The following GNG7 variants were observed in gnomAD, a reference collection of about 807,000 sequenced individuals.
The protein encoded by GNG7 is G protein subunit gamma 7, also known as guanine nucleotide-binding protein G(I)/G(S)/G(O) subunit gamma-7.
GNG7 carries 1 observed loss-of-function variant against 4.0 expected under a neutral mutation model. The ratio of observed to expected loss-of-function variants is 0.25; its 90% CI spans 0.09 to 1.18. The LOEUF is 1.18. GNG7 is among the 50% of genes most tolerant of loss of function. The pLI, the probability that GNG7 is intolerant of heterozygous loss-of-function variation, is 0.50. For synonymous variants in GNG7, 34 were observed against 36.9 expected, an observed-to-expected ratio of 0.92 and a Z score of 0.29; for missense variants, 86 against 91.9, an observed-to-expected ratio of 0.94 and a Z score of 0.26.
intron 2 of GNG7, among the ~76,000 whole-genome samples, chr19:2,587,589 G>A (rs1047500899): frequency 1.3e-5 from 2 of 152,090 alleles, no homozygotes; most frequent in African/African-American, 2.4e-5. Flanking sequence ...GGCCACAAAC[G>A]GGCTTCAAAG....
chr19:2,645,241 CTCT>C (rs1221427466), intron 2 of GNG7, among the ~76,000 whole-genome samples: 52 of 111,042 alleles, frequency 4.7e-4, no homozygotes, highest in African/African-American at 2.0e-3. Context: ...CTCTCTCTCT[CTCT>C]TTTTTTTTTT....
In GNG7 at chr19:2,679,789, T is replaced by C. The variant is rs564648664; in HGVS notation, c.-135+22857A>G. Among the ~76,000 whole-genome samples, 26 of 152,268 alleles carry C rather than the reference T, an allele frequency of 1.7e-4. No homozygotes were observed. In the South Asian group the frequency reaches 4.8e-3, roughly 28 times the overall value. On this transcript the variant is annotated intron_variant, in intron 1 of 4. Coordinates refer to ENST00000382159, the MANE Select transcript of GNG7 (RefSeq NM_052847.3). ...CCCATCTGCATCTTCACCTTACTCA[T>C]TGTATTAACTCCAGGCACCAGGTAG...
chr19:2,689,731 T>TACA (rs777259779), intron 1 of GNG7, among the ~76,000 whole-genome samples: 3 of 150,106 alleles, frequency 2.0e-5, no homozygotes, highest in Non-Finnish European at 2.9e-5. Flanking sequence ...AATGCTAAAG[T>TACA]ACAAAGTTCC....
At chr19:2,528,539 A>T (rs8113761) in intron 3 of GNG7, among the ~76,000 whole-genome samples, 1,773 of 151,416 alleles carry the variant, frequency 0.012, 34 homozygotes, top group African/African-American at 0.041. Flanking sequence ...GGGTGTTTCC[A>T]AAAGGGCTTT....
At chr19:2,562,811 C>T (rs1490775272) in intron 2 of GNG7, among the ~76,000 whole-genome samples, 2 of 152,174 alleles carry the variant, frequency 1.3e-5, no homozygotes, top group African/African-American at 4.8e-5. Context: ...CATTGAAATC[C>T]ACACTCTGAG....
chr19:2,684,678 A>C (rs973161006), intron 1 of GNG7, among the ~76,000 whole-genome samples: 1 of 152,170 alleles, frequency 6.6e-6, no homozygotes, highest in African/African-American at 2.4e-5. Flanking sequence ...CAGAGCCCTC[A>C]GATTCACAGA....
At chr19:2,581,916 GCCTGTGCCCTATAA>G (rs1340170057) in intron 2 of GNG7, among the ~76,000 whole-genome samples, 1 of 152,164 alleles carries the variant, frequency 6.6e-6, no homozygotes. Context: ...TTGGCATGCA[GCCTGTGCCCTATAA>G]CCCTCACTTT....
intron 2 of GNG7, among the ~76,000 whole-genome samples, chr19:2,576,550 T>C: frequency 6.6e-6 from 1 of 152,216 alleles, no homozygotes; most frequent in East Asian, 1.9e-4. Flanking sequence ...TGTATTTATT[T>C]ATTTATTTAT....
At chr19:2,602,516 T>C (rs1009395889) in intron 2 of GNG7, among the ~76,000 whole-genome samples, 4 of 152,358 alleles carry the variant, frequency 2.6e-5, no homozygotes, top group African/African-American at 7.2e-5. Context: ...CAGCAGGTTC[T>C]GCCAGCTCCT....
At chr19:2,616,528 G>T (rs2144828143) in intron 2 of GNG7, among the ~76,000 whole-genome samples, 1 of 152,328 alleles carries the variant, frequency 6.6e-6, no homozygotes, top group South Asian at 2.1e-4. Context: ...TATAATCCCA[G>T]CACTTTGGGA....
Position 2,513,723 on chromosome 19 carries a change from G to A in GNG7, c.*1299C>T. ...GTCTCACCTCCCAGAGTCCTTCAGA[G>A]TCACTCCAAGATCATGGAACAATTT... On this transcript the variant is annotated 3_prime_UTR_variant, in exon 5 of 5. Coordinates refer to ENST00000382159, the MANE Select transcript of GNG7 (RefSeq NM_052847.3). 4.7e-6 allele frequency: 1 copy of A among 212,446 alleles called. No homozygotes were observed. The highest frequency in any genetic ancestry group is 8.1e-6 in the Non-Finnish European group (1 of 123,236). The allele number at this position is 212,446 out of a possible 1,614,324, so 13.2% of individuals were successfully genotyped here. A position where few individuals can be genotyped will look rare whatever the true frequency, so the allele number is the denominator to read the frequency against.
chr19:2,629,824 T>G (rs1417952258), intron 2 of GNG7, among the ~76,000 whole-genome samples: 1 of 152,112 alleles, frequency 6.6e-6, no homozygotes, highest in Non-Finnish European at 1.5e-5. Context: ...ATAAATAAGG[T>G]GAAGCCGAGT....
In GNG7 at chr19:2,551,674, A is replaced by T. The variant is rs924051261; in HGVS notation, c.-38+3475T>A. 1.0e-4 allele frequency among the ~76,000 whole-genome samples: 11 copies of T among 109,790 alleles called. 1 individual carries two copies. Among genetic ancestry groups the T allele is most frequent in the Admixed American group, 9.9e-4 (9 of 9,116 alleles). 72.0% of individuals were successfully genotyped at this position (109,790 alleles called of 152,430 possible). A position where few individuals can be genotyped will look rare whatever the true frequency, so the allele number is the denominator to read the frequency against. Reference sequence around the variant, plus strand: ...TTATAAATAAAATATATATTTAAAAAATATATATATATACACACACATATT... The same window carrying T: ...TTATAAATAAAATATATATTTAAAATATATATATATATACACACACATATT... On this transcript the variant is annotated intron_variant, in intron 3 of 4. Coordinates refer to ENST00000382159, the MANE Select transcript of GNG7 (RefSeq NM_052847.3).
chr19:2,572,125 G>A (rs1980167275), intron 2 of GNG7, among the ~76,000 whole-genome samples: 1 of 151,964 alleles, frequency 6.6e-6, no homozygotes, highest in African/African-American at 2.4e-5. Flanking sequence ...GAGCTCAAGC[G>A]ATCCTCCCAG....
At chr19:2,598,656 C>G (rs1981104273) in intron 2 of GNG7, among the ~76,000 whole-genome samples, 1 of 143,914 alleles carries the variant, frequency 6.9e-6, no homozygotes, top group Admixed American at 7.0e-5. Context: ...GACTCCGTCT[C>G]AAAAAAAATG....
At chr19:2,562,507 A>C (rs1979774705) in intron 2 of GNG7, among the ~76,000 whole-genome samples, 1 of 151,974 alleles carries the variant, frequency 6.6e-6, no homozygotes, top group South Asian at 2.1e-4. Flanking sequence ...TGAAAGCTAC[A>C]CTCACTTTCA....
intron 1 of GNG7, among the ~76,000 whole-genome samples, chr19:2,657,393 T>TACAC (rs1397777305): frequency 1.1e-4 from 10 of 92,886 alleles, no homozygotes; most frequent in African/African-American, 4.4e-4. Context: ...TATATATATA[T>TACAC]ATATATACAC....
intron 1 of GNG7, among the ~76,000 whole-genome samples, chr19:2,689,198 CA>C (rs11308208): frequency 0.38 from 54,800 of 145,766 alleles, 10,265 homozygotes; most frequent in East Asian, 0.59. Context: ...AAAAATAATG[CA>C]AAAAAAAAGG....
intron 2 of GNG7, chr19:2,595,129 TA>T (rs144918318): frequency 0.5 from 67,309 of 135,580 alleles, 16,701 homozygotes; most frequent in Middle Eastern, 0.6. Flanking sequence ...CAAAAGAAAT[TA>T]AATTTTTTTT....
Sources: allele counts gnomAD v4.1 joint callset (sites outside exome capture counted in the v4.1 genomes callset), GRCh38; gene constraint gnomAD v4.1.1; transcripts MANE v1.5; gene names NCBI Gene and HGNC (gene_info 2026-07-23, HGNC 2026-07-21).